Variants in ZNF212 observed in about 807,000 individuals in gnomAD.
ZNF212 encodes the protein zinc finger protein 212, also known as Zinc finger protein C2H2-150.
ZNF212 carries 32 observed loss-of-function variants against 47.3 expected under a neutral mutation model. The observed-to-expected ratio is 0.68, with a 90% CI of 0.51 to 0.91. The LOEUF is 0.91. Among genes scored for constraint, ZNF212 ranks in the 40% least tolerant of loss-of-function variants. The probability of loss-of-function intolerance (pLI) is 0.00; values close to 1 mark genes in which losing one functional copy is unlikely to be tolerated. For missense variants in ZNF212, 555 were observed against 622.8 expected (o/e 0.89, Z 1.16); for synonymous variants, 242 against 253.8 (o/e 0.95, Z 0.44).
Position 149,253,888 on chromosome 7 carries a change from T to G in ZNF212, c.961T>G (p.Cys321Gly). 6.2e-7 allele frequency: 1 copy of G among 1,613,948 alleles called. No homozygotes were observed. Among genetic ancestry groups the G allele is most frequent in the East Asian group, 2.2e-5 (1 of 44,878 alleles). The change falls in exon 5 of 5, where the codon TGT (cysteine) becomes GGT (glycine). Residue 321 changes from cysteine to glycine, a missense_variant. By Grantham distance (159) the Cys-to-Gly change is radical. Transcript: ENST00000335870. Reference sequence around the variant, plus strand: ...TTCCCGCCCCTACGAATGTTCTGAGTGTGAGATCACCTTCCGCTATAAGCA... The same window carrying G: ...TTCCCGCCCCTACGAATGTTCTGAGGGTGAGATCACCTTCCGCTATAAGCA... ...DTSRPYECSE[C>G]EITFRYKQQL...
chr7:149,254,320 G>T lies in ZNF212; in HGVS notation c.1393G>T (p.Val465Phe). Residue 465 changes from valine (V) to phenylalanine (F), a missense_variant, in exon 5 of 5, where the codon GTC becomes TTC. Physicochemically the swap from Val to Phe is conservative, Grantham distance 50. Transcript: ENST00000335870. This position sits in a 1 kb window ranked among gnomAD's most constrained non-coding sequence, Gnocchi z 4.5. ...CTGCACTGAGTGTGAGAAGAGCTTT[G>T]TCCAGAAGCAGCACCTCCTGCAGCA... ...YSCTECEKSF[V>F]QKQHLLQHQK... 1 of 1,613,660 alleles carries T rather than the reference G, an allele frequency of 6.2e-7. No homozygotes were observed. Among genetic ancestry groups the T allele is most frequent in the Non-Finnish European group, 8.5e-7 (1 of 1,180,036 alleles).
chr7:149,239,908 CG>C, intron 1 of ZNF212, 106 bp downstream of exon 1: 1 of 1,227,550 alleles, frequency 8.1e-7, no homozygotes, highest in Non-Finnish European at 1.0e-6. Flanking sequence ...CTTGGTTTCC[CG>C]GGGCTGCCGT....
At position 149,239,664 on chromosome 7, in the gene ZNF212, C is replaced by A. The variant is rs1003481471; in HGVS notation, c.-115C>A. Reference sequence around the variant, plus strand: ...GTCGCTGCTCCCAGAATGCACCTGGCATCAACACGGCGGCGGCGGCGGCGG... The same window carrying A: ...GTCGCTGCTCCCAGAATGCACCTGGAATCAACACGGCGGCGGCGGCGGCGG... On this transcript the variant is annotated 5_prime_UTR_variant, in exon 1 of 5. Transcript: ENST00000335870. 4.7e-6 allele frequency: 3 copies of A among 638,374 alleles called. No homozygotes were observed. The highest frequency in any genetic ancestry group is 5.7e-5 in the African/African-American group (2 of 35,004). The allele number at this position is 638,374 out of a possible 1,614,324, so 39.5% of individuals were successfully genotyped here.
rs760681609 is a variant in ZNF212, at chr7:149,254,285, G to A, written c.1358G>A (p.Arg453Gln). Residue 453 changes from arginine to glutamine, a missense_variant, in exon 5 of 5, where the codon CGG becomes CAG. Physicochemically the swap from Arg to Gln is conservative, Grantham distance 43. Coordinates refer to ENST00000335870, the MANE Select transcript of ZNF212 (RefSeq NM_012256.4). This position sits in a 1 kb window ranked among gnomAD's most constrained non-coding sequence, Gnocchi z 4.5. Reference sequence around the variant, plus strand: ...CACCAGCGCATCCACACGGGTGAGCGGCCCTACAGCTGCACTGAGTGTGAG... The same window carrying A: ...CACCAGCGCATCCACACGGGTGAGCAGCCCTACAGCTGCACTGAGTGTGAG... ...VRHQRIHTGERPYSCTECEKS... is the reference protein window; with the variant it reads ...VRHQRIHTGEQPYSCTECEKS... 9.9e-6 allele frequency: 16 copies of A among 1,614,078 alleles called. No individual in the cohort carries two copies. Among genetic ancestry groups the A allele is most frequent in the East Asian group, 2.2e-5 (1 of 44,902 alleles).
rs1194720042 is a variant in ZNF212, at chr7:149,252,721, C to T, written c.557C>T (p.Thr186Ile). The T allele has an allele frequency of 6.2e-7, 1 of 1,614,108 alleles. No individual in the cohort carries two copies. Among genetic ancestry groups the T allele is most frequent in the African/African-American group, 1.3e-5 (1 of 75,040 alleles). The change falls in exon 4 of 5, where the codon ACA (threonine) becomes ATA (isoleucine). Residue 186 changes from threonine to isoleucine, a missense_variant. Thr to Ile is a moderately conservative substitution (Grantham distance 89, BLOSUM62 -1). Coordinates refer to ENST00000335870, the MANE Select transcript of ZNF212 (RefSeq NM_012256.4). ...TCCCACCCAGAGGTCCTTGGCCAGA[C>T]AGAGGGAGAAGCGGAGTTGGGTACA... is the stretch of plus-strand genomic sequence containing the variant. ...TLVSLKVLGQ[T>I]EGEAELGTEM...
chr7:149,239,901 G>C, intron 1 of ZNF212, 99 bp downstream of exon 1: 1 of 1,238,656 alleles, frequency 8.1e-7, no homozygotes, highest in Non-Finnish European at 1.0e-6. Context: ...CCGGGGTCTT[G>C]GTTTCCCGGG....
At chr7:149,243,660 T>C (rs1029836508) in intron 1 of ZNF212, among the ~76,000 whole-genome samples, 2 of 152,162 alleles carry the variant, frequency 1.3e-5, no homozygotes, top group Non-Finnish European at 2.9e-5. Flanking sequence ...TTTCTAAACC[T>C]GTATGCACCT....
At position 149,239,694 on chromosome 7, in the gene ZNF212, CAACA is replaced by C; in HGVS notation, c.-84_-81del. On this transcript the variant is annotated 5_prime_UTR_variant, in exon 1 of 5. Coordinates refer to ENST00000335870, the MANE Select transcript of ZNF212 (RefSeq NM_012256.4). ...ACACGGCGGCGGCGGCGGCGGCTTCCAACAGGCTCTGGGGCGCCGAGCGGACAGG... is the reference window on the plus strand; with the variant it reads ...ACACGGCGGCGGCGGCGGCGGCTTCCGGCTCTGGGGCGCCGAGCGGACAGG... The C allele has an allele frequency of 1.1e-6, 1 of 941,944 alleles. No individual in the cohort carries two copies. The highest frequency in any genetic ancestry group is 1.4e-6 in the Non-Finnish European group (1 of 724,266). 58.3% of individuals were successfully genotyped at this position (941,944 alleles called of 1,614,324 possible).
intron 1 of ZNF212, 137 bp from the exon 2 acceptor site, chr7:149,250,022 A>C: frequency 1.3e-6 from 1 of 787,218 alleles, no homozygotes; most frequent in South Asian, 5.0e-5. Context: ...TCTATGTATA[A>C]TTTTTAGTAT....
chr7:149,244,162 T>G (rs1391326681), intron 1 of ZNF212, among the ~76,000 whole-genome samples: 4 of 152,150 alleles, frequency 2.6e-5, no homozygotes, highest in Non-Finnish European at 4.4e-5. Context: ...CTTGAACTCC[T>G]GACCTCAAGT....
Position 149,250,713 on chromosome 7 carries a change from T to C in ZNF212, c.447T>C (p.Cys149=). 6.2e-7 allele frequency: 1 copy of C among 1,614,182 alleles called. No individual in the cohort carries two copies. The highest frequency in any genetic ancestry group is 8.5e-7 in the Non-Finnish European group (1 of 1,180,026). ...VSRSLENDGV[C]FTEQEWENLE... The stretch of plus-strand genomic sequence containing the variant: ...GGTCACTGGAGAATGATGGCGTCTG[T>C]TTCACCGAGCAGGAATGGGAGAATC... Residue 149 remains cysteine, a synonymous_variant, in exon 3 of 5, where the codon TGT becomes TGC. Coordinates refer to ENST00000335870, the MANE Select transcript of ZNF212 (RefSeq NM_012256.4).
chr7:149,241,259 C>T lies in ZNF212; in HGVS notation c.24+1457C>T, dbSNP rs143466953. 3.6e-4 allele frequency among the ~76,000 whole-genome samples: 54 copies of T among 152,088 alleles called. 1 individual carries two copies. The East Asian group carries it at 9.9e-3, about 28-fold the overall frequency. Reference sequence around the variant, plus strand: ...CTAGTCTGGCCAATGTGGTGAAACCCGGTCTCTACTAAAAATACAAAAATT... The same window carrying T: ...CTAGTCTGGCCAATGTGGTGAAACCTGGTCTCTACTAAAAATACAAAAATT... On this transcript the variant is annotated intron_variant, in intron 1 of 4. Transcript: ENST00000335870.
chr7:149,253,441 T>C, intron 4 of ZNF212, 118 bp from the exon 5 acceptor site: 1 of 1,298,852 alleles, frequency 7.7e-7, no homozygotes, highest in Non-Finnish European at 1.0e-6. Context: ...CTCCTCCACG[T>C]TATCCTAATT....
rs146104667 is a variant in ZNF212, at chr7:149,250,738, C to A, written c.472C>A (p.Leu158Met). 1.9e-6 allele frequency: 3 copies of A among 1,614,082 alleles called. No homozygotes were observed. The highest frequency in any genetic ancestry group is 2.5e-6 in the Non-Finnish European group (3 of 1,180,056). ...TTTCACCGAGCAGGAATGGGAGAAT[C>A]TGGAGGATTGGCAGAAGGAGCTCTA... is the stretch of plus-strand genomic sequence containing the variant. ...VCFTEQEWEN[L>M]EDWQKELYRN... The change falls in exon 3 of 5, where the codon CTG becomes ATG. Residue 158 changes from leucine (L) to methionine (M), a missense_variant. By Grantham distance (15) the Leu-to-Met change is conservative. Transcript: ENST00000335870.
intron 1 of ZNF212, among the ~76,000 whole-genome samples, chr7:149,245,663 G>C (rs1256740811): frequency 6.6e-6 from 1 of 152,020 alleles, no homozygotes; most frequent in African/African-American, 2.4e-5. Flanking sequence ...CTGTCATCAT[G>C]CCTGGCTAAT....
At chr7:149,240,807 G>A (rs1796577027) in intron 1 of ZNF212, among the ~76,000 whole-genome samples, 1 of 152,144 alleles carries the variant, frequency 6.6e-6, no homozygotes, top group Non-Finnish European at 1.5e-5. Flanking sequence ...AAATTCTGTG[G>A]GGAAAATTTG....
At position 149,252,759 on chromosome 7, in the gene ZNF212, G is replaced by A. The variant is rs373132091; in HGVS notation, c.595G>A (p.Asp199Asn). The A allele has an allele frequency of 1.9e-6, 3 of 1,613,996 alleles. No homozygotes were observed. Among genetic ancestry groups the A allele is most frequent in the Non-Finnish European group, 2.5e-6 (3 of 1,180,036 alleles). ...GGAGTTGGGTACAGAGATGCTGGGT[G>A]ACTTGGAAGAGGAAGGTCCTGGTGG... ...EAELGTEMLG[D>N]LEEEGPGGAH... Residue 199 changes from aspartate (D) to asparagine (N), a missense_variant, in exon 4 of 5, where the codon GAC (aspartate) becomes AAC (asparagine). Transcript: ENST00000335870.
chr7:149,244,230 C>T (rs1001802087), intron 1 of ZNF212, among the ~76,000 whole-genome samples: 12 of 151,974 alleles, frequency 7.9e-5, no homozygotes, highest in East Asian at 5.8e-4. Context: ...CCACTGTGCC[C>T]GGCTAATTTT....
Position 149,250,429 on chromosome 7 carries a change from A to G in ZNF212, c.295A>G (p.Thr99Ala). ...QLEGKWAVLG[T>A]LLQEYGLLQR... is the part of the protein sequence containing the mutation. Reference sequence around the variant, plus strand: ...GGAGGGCAAGTGGGCCGTGCTGGGGACCCTGCTGCAGGAGTATGGGCTACT... The same window carrying G: ...GGAGGGCAAGTGGGCCGTGCTGGGGGCCCTGCTGCAGGAGTATGGGCTACT... The change falls in exon 2 of 5, where the codon ACC becomes GCC. Residue 99 changes from threonine (T) to alanine (A), a missense_variant. Thr to Ala is a moderately conservative substitution (Grantham distance 58). Coordinates refer to ENST00000335870, the MANE Select transcript of ZNF212 (RefSeq NM_012256.4). 6.2e-7 allele frequency: 1 copy of G among 1,614,060 alleles called. No individual in the cohort carries two copies. The highest frequency in any genetic ancestry group is 1.1e-5 in the South Asian group (1 of 91,068).
Sources: allele counts gnomAD v4.1 joint callset (sites outside exome capture counted in the v4.1 genomes callset), GRCh38; gene constraint gnomAD v4.1.1; non-coding constraint Gnocchi (gnomAD v3.1); transcripts MANE v1.5; gene names NCBI Gene and HGNC (gene_info 2026-07-23, HGNC 2026-07-21).